The following RUNX1T1 variants were observed in gnomAD, a reference collection of about 807,000 sequenced individuals.
RUNX1T1 encodes RUNX1 partner transcriptional co-repressor 1, also known as protein CBFA2T1.
Under a neutral mutation model 62.8 loss-of-function variants are expected in RUNX1T1, and 4 were observed. That is an observed-to-expected ratio of 0.06 (90% CI 0.03 to 0.15). RUNX1T1 has a LOEUF of 0.15. RUNX1T1 is among the 10% of genes least tolerant of loss of function. The pLI is 1.00. For synonymous variants in RUNX1T1, 291 were observed against 286.0 expected, an observed-to-expected ratio of 1.02 and a Z score of -0.18; for missense variants, 508 against 754.3, an observed-to-expected ratio of 0.67 and a Z score of 3.82.
Position 91,971,355 on chromosome 8 carries a change from T to C in RUNX1T1, c.1268-507A>G, listed in dbSNP as rs555138557. On this transcript the variant is annotated intron_variant, in intron 9 of 10. Coordinates refer to ENST00000396218, the Ensembl canonical transcript of RUNX1T1. ...ATAAAGTCAGTTTTCCACAATGCTA[T>C]AAGTTAACATGAATATAGGAGGGTC... Among the ~76,000 whole-genome samples the C allele has an allele frequency of 3.5e-3, 532 of 152,186 alleles. 3 individuals are homozygous for C. The highest frequency in any genetic ancestry group is 6.0e-3 in the South Asian group (29 of 4,828).
intron 8 of RUNX1T1, among the ~76,000 whole-genome samples, chr8:91,980,256 T>C (rs1050358762): frequency 6.6e-6 from 1 of 152,228 alleles, no homozygotes; most frequent in Non-Finnish European, 1.5e-5. Context: ...ATTTGCATTA[T>C]GAAGTCAGCT....
upstream of RUNX1T1, among the ~76,000 whole-genome samples, chr8:92,067,494 G>A (rs1414210259): frequency 6.6e-6 from 1 of 152,178 alleles, no homozygotes; most frequent in Non-Finnish European, 1.5e-5. Context: ...GTACTTTGAA[G>A]ATTCCAATGT....
intron 5 of RUNX1T1, among the ~76,000 whole-genome samples, chr8:92,001,438 G>A (rs2916247): frequency 0.23 from 35,445 of 152,050 alleles, 4,366 homozygotes; most frequent in African/African-American, 0.31. Context: ...ACATAACTCT[G>A]AAGTTCAACC....
chr8:92,055,588 C>T (rs911124922), intron 1 of RUNX1T1, among the ~76,000 whole-genome samples: 1 of 152,096 alleles, frequency 6.6e-6, no homozygotes, highest in Non-Finnish European at 1.5e-5. Context: ...ACTACAAGCA[C>T]GTGCCACCAC....
intron 1 of RUNX1T1, among the ~76,000 whole-genome samples, chr8:92,042,727 C>T (rs771693101): frequency 3.3e-5 from 5 of 152,178 alleles, no homozygotes; most frequent in Non-Finnish European, 5.9e-5. Context: ...ATTTATGCAA[C>T]AGCTGGAACA....
At chr8:92,015,407 A>G (rs1822797258) in intron 2 of RUNX1T1, among the ~76,000 whole-genome samples, 1 of 152,218 alleles carries the variant, frequency 6.6e-6, no homozygotes, top group Non-Finnish European at 1.5e-5. Flanking sequence ...TATTTTATGT[A>G]CAAAGCCAAA....
At position 91,986,852 on chromosome 8, in the gene RUNX1T1, C is replaced by G. The variant is rs371281810; in HGVS notation, c.996+35G>C. ...AACCTCACTCCAGTTGTTTTCCAAACATTTTTTAATCCCAAATGATTACTG... is the reference window on the plus strand; with the variant it reads ...AACCTCACTCCAGTTGTTTTCCAAAGATTTTTTAATCCCAAATGATTACTG... On this transcript the variant is annotated intron_variant, in intron 7 of 10. Coordinates refer to ENST00000396218, the Ensembl canonical transcript of RUNX1T1. 18 of 1,407,032 alleles carry G rather than the reference C, an allele frequency of 1.3e-5. No individual in the cohort carries two copies. The African/African-American group carries it at 2.5e-4, about 20-fold the overall frequency. The allele number at this position is 1,407,032 out of a possible 1,614,324, so 87.2% of individuals were successfully genotyped here.
intron 6 of RUNX1T1, among the ~76,000 whole-genome samples, chr8:91,988,183 C>T (rs1298332957): frequency 6.6e-6 from 1 of 152,052 alleles, no homozygotes; most frequent in Non-Finnish European, 1.5e-5. Flanking sequence ...CATGACTGTT[C>T]AGCCAACCAC....
At chr8:92,063,026 G>A (rs1832322971), upstream of RUNX1T1, 1 of 1,018,004 alleles carries the variant, frequency 9.8e-7, no homozygotes, top group Non-Finnish European at 1.2e-6. Flanking sequence ...ATGTAGACCT[G>A]GCCCCCTACC....
intron 5 of RUNX1T1, among the ~76,000 whole-genome samples, chr8:91,993,037 CTCTTA>C (rs1817978467): frequency 1.3e-5 from 2 of 152,320 alleles, no homozygotes; most frequent in South Asian, 4.1e-4. Context: ...AAGACCAGCA[CTCTTA>C]TCTTTAGACA....
At chr8:92,047,298 T>A (rs1023153327) in intron 1 of RUNX1T1, among the ~76,000 whole-genome samples, 9 of 151,964 alleles carry the variant, frequency 5.9e-5, no homozygotes, top group African/African-American at 2.2e-4. Flanking sequence ...TTCCCTCATC[T>A]CCCTCAAATC....
At chr8:92,058,618 A>G (rs959631834) in intron 1 of RUNX1T1, among the ~76,000 whole-genome samples, 1 of 152,224 alleles carries the variant, frequency 6.6e-6, no homozygotes, top group African/African-American at 2.4e-5. Flanking sequence ...TACCTGAACA[A>G]GTCCCTTAAT....
At chr8:92,041,969 C>A (rs1041225077) in intron 1 of RUNX1T1, among the ~76,000 whole-genome samples, 1 of 151,894 alleles carries the variant, frequency 6.6e-6, no homozygotes, top group Non-Finnish European at 1.5e-5. Context: ...CAGGCAACCA[C>A]CACCATACAC....
At chr8:92,030,315 T>A (rs1189349425) in intron 1 of RUNX1T1, among the ~76,000 whole-genome samples, 1 of 152,188 alleles carries the variant, frequency 6.6e-6, no homozygotes, top group Non-Finnish European at 1.5e-5. Context: ...GAGAGTAGTG[T>A]CCCATAAGGA....
At chr8:92,016,751 C>G (rs919290230) in intron 2 of RUNX1T1, among the ~76,000 whole-genome samples, 7 of 152,144 alleles carry the variant, frequency 4.6e-5, no homozygotes, top group African/African-American at 1.7e-4. Flanking sequence ...TGTTGCATAT[C>G]AATACCCTTT....
intron 10 of RUNX1T1, among the ~76,000 whole-genome samples, chr8:91,964,034 T>C (rs2130495350): frequency 6.6e-6 from 1 of 152,286 alleles, no homozygotes; most frequent in African/African-American, 2.4e-5. Context: ...TAAGAATAAG[T>C]CAATTGACCA....
chr8:92,032,612 A>C (rs1826472187), intron 1 of RUNX1T1, among the ~76,000 whole-genome samples: 1 of 152,226 alleles, frequency 6.6e-6, no homozygotes, highest in Non-Finnish European at 1.5e-5. Flanking sequence ...TGATAGCCTT[A>C]ATATAGAAAT....
chr8:91,986,165 G>C (rs1443192899), exon 8 of RUNX1T1: 2 of 1,613,998 alleles, frequency 1.2e-6, no homozygotes, highest in African/African-American at 2.7e-5. Flanking sequence ...CTGCTGCCTA[G>C]AGTGGCTGCT....
intron 1 of RUNX1T1, among the ~76,000 whole-genome samples, chr8:92,038,157 C>T (rs2131372507): frequency 6.6e-6 from 1 of 152,186 alleles, no homozygotes; most frequent in South Asian, 2.1e-4. Context: ...CAACCTCAAC[C>T]TCCCACCTCA....
Sources: gnomAD v4.1 joint callset for allele counts (sites outside exome capture counted in the v4.1 genomes callset) on GRCh38, gnomAD v4.1.1 for gene constraint, MANE v1.5 for transcripts, NCBI Gene and HGNC (gene_info 2026-07-23, HGNC 2026-07-21) for gene names.